Variants in UGT1A6 observed in about 807,000 individuals in gnomAD.
UGT1A6 encodes the protein UDP glucuronosyltransferase family 1 member A6, also known as UDP-glucuronosyltransferase 1A6.
In UGT1A6, 32 loss-of-function variants were observed where a neutral mutation model predicts 44.4. That is an observed-to-expected ratio of 0.72 (90% CI 0.54 to 0.97). The LOEUF (loss-of-function observed/expected upper bound fraction) is 0.97, where lower values mean the gene tolerates loss of function less well. Ranked by LOEUF, UGT1A6 falls within the 50% of genes least tolerant of loss-of-function variation. The pLI is 0.00. For missense variants in UGT1A6, 685 were observed against 661.9 expected (o/e 1.03, Z -0.38); for synonymous variants, 238 against 248.5 (o/e 0.96, Z 0.40).
At chr2:233,728,328 T>C (rs2077699714) in intron 1 of UGT1A6, among the ~76,000 whole-genome samples, 1 of 152,118 alleles carries the variant, frequency 6.6e-6, no homozygotes, top group Admixed American at 6.5e-5. Flanking sequence ...AGGCTCCAGC[T>C]CCCCCAGTCC....
intron 1 of UGT1A6, chr2:233,748,161 A>G: frequency 1.3e-6 from 2 of 1,596,158 alleles, no homozygotes; most frequent in South Asian, 2.3e-5. Context: ...TTGCTTCCAT[A>G]TCTACTTATC....
At position 233,693,074 on chromosome 2, in the gene UGT1A6, G is replaced by C; in HGVS notation, c.70G>C (p.Val24Leu). Residue 24 changes from valine to leucine, a missense_variant, in exon 1 of 5, where the codon GTT (valine) becomes CTT (leucine). Transcript: ENST00000305139. ...TTTCTTCTTAGCACTTTGGGGCATG[G>C]TTGTAGGTGACAAGCTGCTGGTGGT... is the stretch of plus-strand genomic sequence containing the variant. ...GVFFLALWGM[V>L]VGDKLLVVPQ... The C allele has an allele frequency of 6.2e-7, 1 of 1,614,172 alleles. No homozygotes were observed. Among genetic ancestry groups the C allele is most frequent in the Non-Finnish European group, 8.5e-7 (1 of 1,180,030 alleles).
rs561946796 is a variant in UGT1A6, at chr2:233,772,692, G to A, written c.*133G>A. Reference sequence around the variant, plus strand: ...TGCATAAATTAATCAGCCCCAGAGTGCTTTAAAAAATTCTCTTAAATAAAA... The same window carrying A: ...TGCATAAATTAATCAGCCCCAGAGTACTTTAAAAAATTCTCTTAAATAAAA... On this transcript the variant is annotated 3_prime_UTR_variant, in exon 5 of 5. Coordinates refer to ENST00000305139, the MANE Select transcript of UGT1A6 (RefSeq NM_001072.4). 1.0e-4 allele frequency: 156 copies of A among 1,485,828 alleles called. No homozygotes were observed. In the South Asian group the frequency reaches 1.7e-3, roughly 16 times the overall value. 92.0% of individuals were successfully genotyped at this position (1,485,828 alleles called of 1,614,324 possible). A position where few individuals can be genotyped will look rare whatever the true frequency, so the allele number is the denominator to read the frequency against.
rs551912265 is a variant in UGT1A6 at position 233,725,264 on chromosome 2, G to GGAGGCAGAGGCAGAGGCA, written c.861+31435_861+31452dup. On this transcript the variant is annotated intron_variant, in intron 1 of 4. Transcript: ENST00000305139. The stretch of plus-strand genomic sequence containing the variant: ...CAGAGGCAGAGGAGGCAGAGGCAGA[G>GGAGGCAGAGGCAGAGGCA]GAGGCAGAGGCAGAGGCAGAGGCAG... Among the ~76,000 whole-genome samples, 12 of 58,548 alleles carry GGAGGCAGAGGCAGAGGCA rather than the reference G, an allele frequency of 2.0e-4. 2 individuals are homozygous for GGAGGCAGAGGCAGAGGCA. The highest frequency in any genetic ancestry group is 1.1e-3 in the Admixed American group (7 of 6,532). 38.4% of individuals were successfully genotyped at this position (58,548 alleles called of 152,430 possible). A position where few individuals can be genotyped will look rare whatever the true frequency, so the allele number is the denominator to read the frequency against.
Position 233,748,487 on chromosome 2 carries a change from A to G in UGT1A6, c.862-18547A>G, listed in dbSNP as rs58741345. 1.8e-3 allele frequency among the ~76,000 whole-genome samples: 274 copies of G among 151,976 alleles called. 7 individuals carry two copies. The highest frequency in any genetic ancestry group is 6.4e-3 in the African/African-American group (263 of 41,268). On this transcript the variant is annotated intron_variant, in intron 1 of 4. Transcript: ENST00000305139. ...ATGCAACAGCAAATTACAATTGTTAATGTGATAATTTTTAGTGGTCCTGTC... is the reference window on the plus strand; with the variant it reads ...ATGCAACAGCAAATTACAATTGTTAGTGTGATAATTTTTAGTGGTCCTGTC...
At chr2:233,723,943 C>T (rs2125696372) in intron 1 of UGT1A6, among the ~76,000 whole-genome samples, 1 of 54,774 alleles carries the variant, frequency 1.8e-5, no homozygotes, top group African/African-American at 1.4e-4. Flanking sequence ...TCTACACAGA[C>T]ACGGCAACCA....
chr2:233,753,553 C>A (rs768975399), intron 1 of UGT1A6: 9 of 152,144 alleles, frequency 5.9e-5, no homozygotes, highest in Non-Finnish European at 1.3e-4. Context: ...TCAGAGGTGA[C>A]CCTAGAAGAT....
At chr2:233,696,152 T>C (rs753392711) in intron 1 of UGT1A6, among the ~76,000 whole-genome samples, 1 of 152,196 alleles carries the variant, frequency 6.6e-6, no homozygotes, top group Non-Finnish European at 1.5e-5. Context: ...GCTGGGTATA[T>C]ATCCAAAAGA....
At chr2:233,726,985 G>C (rs1185524522) in intron 1 of UGT1A6, among the ~76,000 whole-genome samples, 1 of 152,130 alleles carries the variant, frequency 6.6e-6, no homozygotes, top group African/African-American at 2.4e-5. Flanking sequence ...TTTTGATGAG[G>C]TTCTTTCTAG....
Position 233,769,714 on chromosome 2 carries a change from G to C in UGT1A6, c.1301+1275G>C. On this transcript the variant is annotated intron_variant, in intron 4 of 4. Coordinates refer to ENST00000305139, the MANE Select transcript of UGT1A6 (RefSeq NM_001072.4). This position sits in a 1 kb window ranked among gnomAD's most constrained non-coding sequence, Gnocchi z 4.4. ...TGGATAAAAGATCAATGTTGGCTAG[G>C]CACCATGGCACACGCCTGTAGTCCC... 6.7e-7 allele frequency: 1 copy of C among 1,497,244 alleles called. No homozygotes were observed. Among genetic ancestry groups the C allele is most frequent in the Non-Finnish European group, 8.9e-7 (1 of 1,121,796 alleles). The allele number at this position is 1,497,244 out of a possible 1,614,324, so 92.7% of individuals were successfully genotyped here. A position where few individuals can be genotyped will look rare whatever the true frequency, so the allele number is the denominator to read the frequency against.
At chr2:233,695,566 C>T (rs956189673) in intron 1 of UGT1A6, among the ~76,000 whole-genome samples, 1 of 150,778 alleles carries the variant, frequency 6.6e-6, no homozygotes, top group South Asian at 2.1e-4. Context: ...CCATTTTCAC[C>T]CCCCCTTCCC....
intron 1 of UGT1A6, among the ~76,000 whole-genome samples, chr2:233,748,588 G>C (rs1457275864): frequency 6.6e-6 from 1 of 151,830 alleles, no homozygotes; most frequent in Non-Finnish European, 1.5e-5. Context: ...GGTTGACTCA[G>C]TTCAGTGGAA....
intron 4 of UGT1A6, chr2:233,770,755 A>G (rs1050140831): frequency 6.6e-6 from 1 of 152,202 alleles, no homozygotes; most frequent in Non-Finnish European, 1.5e-5. Flanking sequence ...AAGTACTAAT[A>G]TTACATTATA....
In UGT1A6 at chr2:233,769,469, G is replaced by A. The variant is rs1360382156; in HGVS notation, c.1301+1030G>A. 6.2e-7 allele frequency: 1 copy of A among 1,610,132 alleles called. No homozygotes were observed. Among genetic ancestry groups the A allele is most frequent in the Non-Finnish European group, 8.5e-7 (1 of 1,177,710 alleles). On this transcript the variant is annotated intron_variant, in intron 4 of 4. Coordinates refer to ENST00000305139, the MANE Select transcript of UGT1A6 (RefSeq NM_001072.4). The surrounding 1 kb of genome is among the most constrained non-coding windows in gnomAD (Gnocchi z 4.4). Reference sequence around the variant, plus strand: ...CACACGTGTGCATTCATATGCGTGTGTGTGTGTGTGCGTGTGTTTATGAGA... The same window carrying A: ...CACACGTGTGCATTCATATGCGTGTATGTGTGTGTGCGTGTGTTTATGAGA...
At chr2:233,759,709 C>T (rs139134152) in intron 1 of UGT1A6, among the ~76,000 whole-genome samples, 6 of 151,084 alleles carry the variant, frequency 4.0e-5, no homozygotes, top group Non-Finnish European at 8.8e-5. Flanking sequence ...GGCGCGTGCT[C>T]GTGTGGTGGG....
At chr2:233,757,471 C>G (rs1223832347) in intron 1 of UGT1A6, among the ~76,000 whole-genome samples, 8 of 147,498 alleles carry the variant, frequency 5.4e-5, no homozygotes, top group African/African-American at 1.5e-4. Context: ...CTTACTGTCT[C>G]CAAAACCATG....
In UGT1A6 at chr2:233,773,103, T is replaced by A. The variant is rs1559421928; in HGVS notation, c.*544T>A. ...CTTGGAGTGCACTGAGAACAGCATATGATTTCTTGCTTTGGGGAAAAAGAA... is the reference window on the plus strand; with the variant it reads ...CTTGGAGTGCACTGAGAACAGCATAAGATTTCTTGCTTTGGGGAAAAAGAA... On this transcript the variant is annotated 3_prime_UTR_variant, in exon 5 of 5. Transcript: ENST00000305139. The A allele has an allele frequency of 6.4e-6, 1 of 156,320 alleles. No individual in the cohort carries two copies. Among genetic ancestry groups the A allele is most frequent in the Non-Finnish European group, 1.4e-5 (1 of 70,266 alleles). 9.7% of individuals were successfully genotyped at this position (156,320 alleles called of 1,614,324 possible).
chr2:233,713,633 G>A (rs1299341019), intron 1 of UGT1A6: 5 of 1,613,960 alleles, frequency 3.1e-6, no homozygotes, highest in Non-Finnish European at 2.5e-6. Context: ...TCAAGAACAT[G>A]CTCTACCCTC....
chr2:233,714,291 C>T (rs1156698569), intron 1 of UGT1A6, among the ~76,000 whole-genome samples: 1 of 152,082 alleles, frequency 6.6e-6, no homozygotes, highest in African/African-American at 2.4e-5. Flanking sequence ...TTTAGTGGTC[C>T]CATCTTGCAA....
Sources: allele counts gnomAD v4.1 joint callset (sites outside exome capture counted in the v4.1 genomes callset), GRCh38; gene constraint gnomAD v4.1.1; non-coding constraint Gnocchi (gnomAD v3.1); transcripts MANE v1.5; gene names NCBI Gene and HGNC (gene_info 2026-07-23, HGNC 2026-07-21).